The following CIMIP6 variants were observed in gnomAD, a reference collection of about 807,000 sequenced individuals.
CIMIP6 encodes uncharacterized protein C2orf73.
the CIMIP6 span, among the ~76,000 whole-genome samples, chr2:54,342,655 G>A: frequency 6.7e-6 from 1 of 149,340 alleles, no homozygotes; most frequent in African/African-American, 2.5e-5. Context: ...TTGCATCAAT[G>A]TAGCCTTAAT....
At chr2:54,379,759 T>G in the CIMIP6 span, among the ~76,000 whole-genome samples, 3 of 151,690 alleles carry the variant, frequency 2.0e-5, no homozygotes, top group East Asian at 3.9e-4. Flanking sequence ...GTGGGTCACC[T>G]GAGGTCAGGA....
At chr2:54,340,402 A>T in the CIMIP6 span, among the ~76,000 whole-genome samples, 1 of 152,218 alleles carries the variant, frequency 6.6e-6, no homozygotes, top group African/African-American at 2.4e-5. Flanking sequence ...GGCTCCATCC[A>T]TGTCTTTCCT....
the CIMIP6 span, chr2:54,360,408 A>C: frequency 3.7e-6 from 6 of 1,605,050 alleles, no homozygotes; most frequent in South Asian, 6.8e-5. Flanking sequence ...CCTAAAACTC[A>C]CTTATCAGAA....
chr2:54,350,688 T>C, the CIMIP6 span, among the ~76,000 whole-genome samples: 2 of 152,226 alleles, frequency 1.3e-5, no homozygotes, highest in South Asian at 4.1e-4. Flanking sequence ...GCCTGATTCA[T>C]TGGGGCCACC....
chr2:54,345,623 C>T, the CIMIP6 span, among the ~76,000 whole-genome samples: 3 of 152,166 alleles, frequency 2.0e-5, no homozygotes, highest in African/African-American at 7.2e-5. Flanking sequence ...GTTGAAATAA[C>T]GTGCCCAAGG....
the CIMIP6 span, among the ~76,000 whole-genome samples, chr2:54,359,529 G>A: frequency 6.6e-6 from 1 of 152,066 alleles, no homozygotes; most frequent in Non-Finnish European, 1.5e-5. Context: ...TACTCTGGAA[G>A]CTGAGGTAGG....
chr2:54,351,557 T>A, the CIMIP6 span, among the ~76,000 whole-genome samples: 1 of 152,010 alleles, frequency 6.6e-6, no homozygotes, highest in African/African-American at 2.4e-5. Flanking sequence ...TTCTTATAAG[T>A]GGGAGCTAAA....
chr2:54,339,697 T>C, the CIMIP6 span, among the ~76,000 whole-genome samples: 2 of 75,048 alleles, frequency 2.7e-5, no homozygotes, highest in African/African-American at 4.5e-5. Context: ...CGATTGTTTA[T>C]GTTTAGGTTT....
chr2:54,331,921 T>G, the CIMIP6 span, among the ~76,000 whole-genome samples: 6 of 152,332 alleles, frequency 3.9e-5, no homozygotes, highest in East Asian at 9.6e-4. Flanking sequence ...TTAAAACACG[T>G]TCCTGGGAAC....
At chr2:54,353,622 A>G in the CIMIP6 span, among the ~76,000 whole-genome samples, 3 of 152,156 alleles carry the variant, frequency 2.0e-5, no homozygotes, top group Non-Finnish European at 4.4e-5. Context: ...TCTTGAATAA[A>G]TGCTCCTTAG....
At chr2:54,341,714 C>T in the CIMIP6 span, among the ~76,000 whole-genome samples, 4 of 152,176 alleles carry the variant, frequency 2.6e-5, no homozygotes, top group Non-Finnish European at 5.9e-5. Flanking sequence ...GTTACTTCAT[C>T]TCCTGGCAGT....
the CIMIP6 span, among the ~76,000 whole-genome samples, chr2:54,382,384 A>G: frequency 6.6e-6 from 1 of 152,256 alleles, no homozygotes; most frequent in African/African-American, 2.4e-5. Context: ...TAAACAATGA[A>G]GAATTAATTA....
At chr2:54,357,721 C>T in the CIMIP6 span, among the ~76,000 whole-genome samples, 4 of 150,816 alleles carry the variant, frequency 2.7e-5, no homozygotes, top group African/African-American at 4.9e-5. Context: ...GGACTATAGG[C>T]GTTCACCACC....
At chr2:54,380,600 C>T in the CIMIP6 span, among the ~76,000 whole-genome samples, 6 of 152,194 alleles carry the variant, frequency 3.9e-5, no homozygotes, top group African/African-American at 1.4e-4. Flanking sequence ...CCTGGGAATT[C>T]CTTATCTACC....
the CIMIP6 span, among the ~76,000 whole-genome samples, chr2:54,353,389 G>T: frequency 1.3e-5 from 2 of 152,132 alleles, no homozygotes; most frequent in African/African-American, 4.8e-5. Flanking sequence ...AACCCTGCAG[G>T]CCAGGTTAAA....
the CIMIP6 span, among the ~76,000 whole-genome samples, chr2:54,346,872 G>A: frequency 3.3e-5 from 5 of 152,044 alleles, no homozygotes; most frequent in South Asian, 2.1e-4. Flanking sequence ...ACTTCTCAAC[G>A]TTCATAGAAT....
the CIMIP6 span, among the ~76,000 whole-genome samples, chr2:54,352,558 G>A: frequency 6.6e-6 from 1 of 152,082 alleles, no homozygotes; most frequent in Non-Finnish European, 1.5e-5. Flanking sequence ...TTTATGGTGA[G>A]AACACTTAAA....
the CIMIP6 span, among the ~76,000 whole-genome samples, chr2:54,363,413 T>C: frequency 2.0e-5 from 3 of 152,246 alleles, no homozygotes; most frequent in East Asian, 1.9e-4. Context: ...TGGCTTAACA[T>C]AGCAGGGAAA....
chr2:54,383,889 G>A, the CIMIP6 span: 1 of 152,130 alleles, frequency 6.6e-6, no homozygotes, highest in Non-Finnish European at 1.5e-5. Flanking sequence ...AAAAGGACAA[G>A]GTAGGCCCCC....
Sources: gnomAD v4.1 joint callset for allele counts (sites outside exome capture counted in the v4.1 genomes callset) on GRCh38, gnomAD v4.1.1 for gene constraint, MANE v1.5 for transcripts, NCBI Gene and HGNC (gene_info 2026-07-23, HGNC 2026-07-21) for gene names.